HSPD1: variants seen among roughly 807,000 people sequenced by gnomAD.
HSPD1 encodes the protein 60 kDa heat shock protein, mitochondrial.
Under a neutral mutation model 53.0 loss-of-function variants are expected in HSPD1, and 3 were observed. The ratio of observed to expected loss-of-function variants is 0.06; its 90% CI spans 0.03 to 0.15. HSPD1 has a LOEUF of 0.15. Ranked by LOEUF, HSPD1 falls within the 10% of genes least tolerant of loss-of-function variation. The pLI, the probability that HSPD1 is intolerant of heterozygous loss-of-function variation, is 1.00. For missense variants in HSPD1, 431 were observed against 694.1 expected (o/e 0.62, Z 4.26); for synonymous variants, 200 against 228.0 (o/e 0.88, Z 1.10).
intron 6 of HSPD1, among the ~76,000 whole-genome samples, chr2:197,493,751 G>A (rs2086122159): frequency 6.6e-6 from 1 of 152,142 alleles, no homozygotes; most frequent in South Asian, 2.1e-4. Context: ...GATGACTTGA[G>A]GCCAGGAATT....
rs769110777 is a variant in HSPD1, at chr2:197,495,391, T to C, written c.428-15A>G. 153 of 1,484,174 alleles carry C rather than the reference T, an allele frequency of 1.0e-4. No homozygotes were observed. The highest frequency in any genetic ancestry group is 1.4e-4 in the Non-Finnish European group (145 of 1,061,598). 91.9% of individuals were successfully genotyped at this position (1,484,174 alleles called of 1,614,324 possible). On this transcript the variant is annotated splice_polypyrimidine_tract_variant and intron_variant, in intron 3 of 11. Coordinates refer to ENST00000388968, the MANE Select transcript of HSPD1 (RefSeq NM_002156.5). ...TAACATCACACCTAGTTCAACGATA[T>C]ATGTCATTACAATGTTTATTTCTCT...
Position 197,493,417 on chromosome 2 carries a change from G to C in HSPD1, c.776C>G (p.Pro259Arg). The change falls in exon 7 of 12, where the codon CCT (proline) becomes CGT (arginine). Residue 259 changes from proline to arginine, a missense_variant. Coordinates refer to ENST00000388968, the MANE Select transcript of HSPD1 (RefSeq NM_002156.5). Reference sequence around the variant, plus strand: ...GTGAGCATTGGCAATTTCAAGAGCAGGTACAATGGACTGGATACTAGAAAT... The same window carrying C: ...GTGAGCATTGGCAATTTCAAGAGCACGTACAATGGACTGGATACTAGAAAT... The part of the protein sequence containing the change: ...KKISSIQSIV[P>R]ALEIANAHRK... The C allele has an allele frequency of 6.2e-7, 1 of 1,613,028 alleles. No homozygotes were observed. Among genetic ancestry groups the C allele is most frequent in the Non-Finnish European group, 8.5e-7 (1 of 1,179,062 alleles).
At chr2:197,494,585 G>A in intron 5 of HSPD1, 72 bp downstream of exon 5, 2 of 1,065,858 alleles carry the variant, frequency 1.9e-6, no homozygotes, top group Non-Finnish European at 2.9e-6. Flanking sequence ...ATTCAGTTTT[G>A]ATCATCAGAT....
chr2:197,494,380 C>T (rs2086131678), intron 5 of HSPD1, 130 bp from the exon 6 acceptor site: 6 of 670,124 alleles, frequency 9.0e-6, no homozygotes, highest in Non-Finnish European at 1.4e-5. Flanking sequence ...CAGCCCAGGA[C>T]ATCCAATTAC....
intron 8 of HSPD1, among the ~76,000 whole-genome samples, chr2:197,489,942 A>C: frequency 6.6e-6 from 1 of 152,088 alleles, no homozygotes; most frequent in Non-Finnish European, 1.5e-5. Context: ...AGATCAAGAC[A>C]CTGTCTCCAA....
intron 3 of HSPD1, chr2:197,496,863 G>C (rs1414964683): frequency 1.1e-5 from 5 of 439,134 alleles, no homozygotes; most frequent in Admixed American, 3.6e-5. Context: ...TTGAGCCCAG[G>C]AGTTCCAGTG....
rs1194374558 is a variant in HSPD1, at chr2:197,495,394, G to A, written c.428-18C>T. The A allele has an allele frequency of 6.8e-7, 1 of 1,468,742 alleles. No individual in the cohort carries two copies. The highest frequency in any genetic ancestry group is 1.7e-5 in the Admixed American group (1 of 59,826). The allele number at this position is 1,468,742 out of a possible 1,614,324, so 91.0% of individuals were successfully genotyped here. A position where few individuals can be genotyped will look rare whatever the true frequency, so the allele number is the denominator to read the frequency against. On this transcript the variant is annotated intron_variant, in intron 3 of 11. Coordinates refer to ENST00000388968, the MANE Select transcript of HSPD1 (RefSeq NM_002156.5). ...CATCACACCTAGTTCAACGATATATGTCATTACAATGTTTATTTCTCTCAT... is the reference window on the plus strand; with the variant it reads ...CATCACACCTAGTTCAACGATATATATCATTACAATGTTTATTTCTCTCAT...
In HSPD1 at chr2:197,497,086, T is replaced by C. The variant is rs763801934; in HGVS notation, c.427+54A>G. ...ACTTTCCTTAGGTCCAAGGAATCAA[T>C]GCCTTAAAGCACACTGAAGTTTAGA... On this transcript the variant is annotated intron_variant, in intron 3 of 11. Coordinates refer to ENST00000388968, the MANE Select transcript of HSPD1 (RefSeq NM_002156.5). 5.1e-6 allele frequency: 8 copies of C among 1,561,210 alleles called. No individual in the cohort carries two copies. In the Admixed American group the frequency reaches 1.0e-4, roughly 20 times the overall value.
At chr2:197,500,203 C>T, upstream of HSPD1, 9 of 600,536 alleles carry the variant, frequency 1.5e-5, no homozygotes, top group South Asian at 1.5e-4. Context: ...CTCCTTTTTT[C>T]TTCCGCCTCC....
intron 9 of HSPD1, among the ~76,000 whole-genome samples, 194 bp from the exon 10 acceptor site, chr2:197,488,685 A>G (rs538937123): frequency 1.1e-3 from 173 of 152,272 alleles, no homozygotes; most frequent in Non-Finnish European, 1.1e-3. Flanking sequence ...CCTGACCAAC[A>G]TGGTGAAGCC....
intron 5 of HSPD1, 124 bp downstream of exon 5, chr2:197,494,533 T>TA: frequency 4.7e-6 from 3 of 640,808 alleles, no homozygotes; most frequent in Non-Finnish European, 8.1e-6. Context: ...TATGAAGGAA[T>TA]AAAAAAAGCA....
chr2:197,493,964 T>G (rs1308605421), intron 6 of HSPD1, among the ~76,000 whole-genome samples, 193 bp downstream of exon 6: 1 of 152,192 alleles, frequency 6.6e-6, no homozygotes, highest in Non-Finnish European at 1.5e-5. Flanking sequence ...CAGCCTGGCA[T>G]GGTGGCGTGT....
At chr2:197,493,564 A>C in intron 6 of HSPD1, 72 bp from the exon 7 acceptor site, 1 of 1,140,592 alleles carries the variant, frequency 8.8e-7, no homozygotes, top group Non-Finnish European at 1.3e-6. Flanking sequence ...AAGCGAAACC[A>C]AGGTTCCAAT....
At chr2:197,488,067 C>T (rs1343848354) in intron 10 of HSPD1, 31 bp from the exon 11 acceptor site, 9 of 1,426,448 alleles carry the variant, frequency 6.3e-6, no homozygotes, top group Non-Finnish European at 8.8e-6. Flanking sequence ...AATTTTAATA[C>T]TTTCATTTGT....
At chr2:197,490,533 A>T (rs914829746) in intron 7 of HSPD1, 2 of 510,194 alleles carry the variant, frequency 3.9e-6, no homozygotes, top group African/African-American at 3.9e-5. Context: ...TTACCTTCTT[A>T]ATAAACTGTT....
intron 11 of HSPD1, 50 bp downstream of exon 11, chr2:197,487,808 T>C: frequency 6.7e-7 from 1 of 1,489,644 alleles, no homozygotes; most frequent in Non-Finnish European, 9.4e-7. Flanking sequence ...TGAGGATACA[T>C]TAACAAAATG....
intron 3 of HSPD1, 134 bp from the exon 4 acceptor site, chr2:197,495,510 G>A (rs1187192602): frequency 1.5e-6 from 1 of 654,980 alleles, no homozygotes; most frequent in Non-Finnish European, 2.7e-6. Context: ...TTTTGAGACA[G>A]GGTCTTGTTC....
At chr2:197,491,190 GTTTT>G (rs1261711864) in intron 7 of HSPD1, among the ~76,000 whole-genome samples, 1 of 136,770 alleles carries the variant, frequency 7.3e-6, no homozygotes. Context: ...TTTTTTGTGT[GTTTT>G]TTTTTTTTTT....
intron 1 of HSPD1, chr2:197,499,327 C>T (rs1424874549): frequency 5.9e-6 from 1 of 168,988 alleles, no homozygotes; most frequent in Admixed American, 5.8e-5. Context: ...GAGCAACCAG[C>T]AAGGCCGCGA....
Sources: allele counts gnomAD v4.1 joint callset (sites outside exome capture counted in the v4.1 genomes callset), GRCh38; gene constraint gnomAD v4.1.1; transcripts MANE v1.5; gene names NCBI Gene and HGNC (gene_info 2026-07-23, HGNC 2026-07-21).